Variants in PPP1R9A observed in about 807,000 individuals in gnomAD.
PPP1R9A encodes neurabin-1.
In PPP1R9A, 59 loss-of-function variants were observed where a neutral mutation model predicts 141.9. The observed-to-expected ratio is 0.42, with a 90% CI of 0.34 to 0.52. PPP1R9A has a LOEUF of 0.52. Ranked by LOEUF, PPP1R9A falls within the 20% of genes least tolerant of loss-of-function variation. The pLI is 0.10. For synonymous variants in PPP1R9A, 500 were observed against 569.7 expected, an observed-to-expected ratio of 0.88 and a Z score of 1.74; for missense variants, 1,444 against 1,611.9, an observed-to-expected ratio of 0.90 and a Z score of 1.78.
intron 7 of PPP1R9A, among the ~76,000 whole-genome samples, chr7:95,214,695 G>C (rs1792914822): frequency 1.3e-5 from 2 of 152,116 alleles, no homozygotes; most frequent in Non-Finnish European, 2.9e-5. Context: ...AGGAAATAGA[G>C]TCCCAGCTTC....
intron 4 of PPP1R9A, among the ~76,000 whole-genome samples, chr7:95,137,415 C>CAAAAAAAAAAAAAAAAAAAAAAA (rs33928009): frequency 3.3e-5 from 3 of 91,522 alleles, no homozygotes; most frequent in African/African-American, 1.3e-4. Flanking sequence ...GACATGAACT[C>CAAAAAAAAAAAAAAAAAAAAAAA]AAAAAAAAAA....
chr7:95,053,886 T>C (rs1226609837), intron 2 of PPP1R9A, among the ~76,000 whole-genome samples: 1 of 152,144 alleles, frequency 6.6e-6, no homozygotes, highest in Non-Finnish European at 1.5e-5. Context: ...CATTGCTCTA[T>C]AGAAGTATAT....
At chr7:95,079,754 C>A (rs1815489925) in intron 2 of PPP1R9A, among the ~76,000 whole-genome samples, 1 of 152,204 alleles carries the variant, frequency 6.6e-6, no homozygotes, top group Non-Finnish European at 1.5e-5. Context: ...ATCAAGTGGG[C>A]TTCATCCCTG....
intron 17 of PPP1R9A, among the ~76,000 whole-genome samples, chr7:95,285,750 A>ATC (rs1192351445): frequency 6.6e-6 from 1 of 152,210 alleles, no homozygotes; most frequent in Non-Finnish European, 1.5e-5. Flanking sequence ...CATAGTATTT[A>ATC]TCACAGCCAA....
chr7:95,048,630 C>A (rs1434018502), intron 2 of PPP1R9A, among the ~76,000 whole-genome samples: 5 of 151,936 alleles, frequency 3.3e-5, no homozygotes, highest in African/African-American at 4.8e-5. Context: ...GCAGCCTTCG[C>A]CTCCTGGGTT....
At chr7:95,145,585 T>C (rs904532332) in intron 4 of PPP1R9A, among the ~76,000 whole-genome samples, 2 of 152,198 alleles carry the variant, frequency 1.3e-5, no homozygotes, top group African/African-American at 4.8e-5. Context: ...TTAATCACTT[T>C]GAATGTCAGT....
At position 94,910,140 on chromosome 7, in the gene PPP1R9A, A is replaced by G. The variant is rs1204228784; in HGVS notation, c.27A>G (p.Glu9=). The change falls in exon 2 of 20, where the codon GAA becomes GAG. Residue 9 remains glutamate, a synonymous_variant. Transcript: ENST00000433360. The surrounding 1 kb of genome is among the most constrained non-coding windows in gnomAD (Gnocchi z 4.5). MLKTESSG[E]RTTLRSASPH... ...TGTTGAAAACTGAGTCTTCAGGTGA[A>G]CGAACCACTCTCAGAAGTGCCTCTC... 1 of 1,612,526 alleles carries G rather than the reference A, an allele frequency of 6.2e-7. No homozygotes were observed. Among genetic ancestry groups the G allele is most frequent in the Non-Finnish European group, 8.5e-7 (1 of 1,179,104 alleles).
In PPP1R9A at chr7:94,977,691, T is replaced by C. The variant is rs544542735; in HGVS notation, c.1395+66183T>C. On this transcript the variant is annotated intron_variant, in intron 2 of 19. Transcript: ENST00000433360. ...GGATATGAGGCCAAATCAGGGGATATAGAGAATGTTATGGTGATAAGAGGC... is the reference window on the plus strand; with the variant it reads ...GGATATGAGGCCAAATCAGGGGATACAGAGAATGTTATGGTGATAAGAGGC... 3.3e-4 allele frequency among the ~76,000 whole-genome samples: 50 copies of C among 152,118 alleles called. 1 individual carries two copies. Among genetic ancestry groups the C allele is most frequent in the Admixed American group, 7.2e-4 (11 of 15,286 alleles).
chr7:95,252,960 A>G (rs1007098781), intron 12 of PPP1R9A, among the ~76,000 whole-genome samples: 6 of 152,232 alleles, frequency 3.9e-5, no homozygotes, highest in Admixed American at 2.6e-4. Flanking sequence ...CACTGGAAAC[A>G]TTTGGTATTA....
chr7:95,144,359 C>T lies in PPP1R9A; in HGVS notation c.1650-17508C>T, dbSNP rs549965654. 2.2e-4 allele frequency among the ~76,000 whole-genome samples: 34 copies of T among 152,112 alleles called. No individual in the cohort carries two copies. The South Asian group carries it at 3.1e-3, about 14-fold the overall frequency. ...GCTGAATAATACTTTATCATGTGTG[C>T]GTGTGTAAAATCACATTTTCTTTAT... On this transcript the variant is annotated intron_variant, in intron 4 of 19. Transcript: ENST00000433360.
intron 2 of PPP1R9A, among the ~76,000 whole-genome samples, chr7:95,029,830 G>A (rs2151803280): frequency 6.6e-6 from 1 of 152,258 alleles, no homozygotes; most frequent in African/African-American, 2.4e-5. Context: ...GCATATCTTA[G>A]TGAATCAAAA....
At chr7:95,004,122 A>G (rs1448251194) in intron 2 of PPP1R9A, among the ~76,000 whole-genome samples, 1 of 151,982 alleles carries the variant, frequency 6.6e-6, no homozygotes, top group Non-Finnish European at 1.5e-5. Context: ...TAAAAAGTTG[A>G]GCATCTCCTG....
At chr7:95,047,278 G>A (rs540290825) in intron 2 of PPP1R9A, among the ~76,000 whole-genome samples, 4 of 152,212 alleles carry the variant, frequency 2.6e-5, no homozygotes, top group South Asian at 4.1e-4. Context: ...GCAGTGTTTC[G>A]GCACAAATGC....
chr7:95,250,290 T>C (rs775028585), intron 10 of PPP1R9A, 35 bp downstream of exon 10: 1 of 1,527,508 alleles, frequency 6.5e-7, no homozygotes, highest in Non-Finnish European at 8.9e-7. Flanking sequence ...AATAGTTATG[T>C]TTGTCTAAAG....
In PPP1R9A at chr7:95,269,360, CAAG is replaced by C; in HGVS notation, c.2983_2985del (p.Glu995del). 1.3e-6 allele frequency: 2 copies of C among 1,598,500 alleles called. No individual in the cohort carries two copies. The highest frequency in any genetic ancestry group is 1.1e-5 in the South Asian group (1 of 90,908). Reference sequence around the variant, plus strand: ...CTCGTCTGACCACATAGCTGAATTTCAAGAAGAACCACTGGACCCAGAAATGGG... The same window carrying C: ...CTCGTCTGACCACATAGCTGAATTTCAAGAACCACTGGACCCAGAAATGGG... On this transcript the variant is annotated inframe_deletion, in exon 14 of 20. Coordinates refer to ENST00000433360, the MANE Select transcript of PPP1R9A (RefSeq NM_001166160.2).
chr7:95,089,489 A>C (rs77088243), intron 2 of PPP1R9A, among the ~76,000 whole-genome samples: 1,914 of 152,188 alleles, frequency 0.013, 21 homozygotes, highest in Non-Finnish European at 0.017. Flanking sequence ...CTAAAATAAG[A>C]TTAGACCAGA....
intron 2 of PPP1R9A, among the ~76,000 whole-genome samples, chr7:95,100,056 T>C (rs73218138): frequency 2.6e-5 from 4 of 151,884 alleles, no homozygotes; most frequent in Admixed American, 2.6e-4. Flanking sequence ...TATATATGTG[T>C]GTGTATGCAT....
rs749578885 is a variant in PPP1R9A at position 95,284,305 on chromosome 7, C to A, written c.3584C>A (p.Ser1195Tyr). 6.5e-7 allele frequency: 1 copy of A among 1,532,050 alleles called. No individual in the cohort carries two copies. The highest frequency in any genetic ancestry group is 2.3e-5 in the East Asian group (1 of 43,552). 94.9% of individuals were successfully genotyped at this position (1,532,050 alleles called of 1,614,324 possible). Residue 1195 changes from serine (S) to tyrosine (Y), a missense_variant, in exon 17 of 20, where the codon TCT becomes TAT. Ser to Tyr is a moderately radical substitution (Grantham distance 144). This residue lies in a region of PPP1R9A where 459 missense variants were observed against 513.8 expected (regional missense o/e 0.89). Transcript: ENST00000433360. ...SIFGRHSQLM[S>Y]VVWIQETNNF... Reference sequence around the variant, plus strand: ...TTTGGAAGGCATTCTCAACTTATGTCTGTAGTCTGGATCCAAGAAACCAAT... The same window carrying A: ...TTTGGAAGGCATTCTCAACTTATGTATGTAGTCTGGATCCAAGAAACCAAT...
intron 12 of PPP1R9A, among the ~76,000 whole-genome samples, chr7:95,255,364 C>T (rs982215775): frequency 1.3e-5 from 2 of 152,024 alleles, no homozygotes; most frequent in Non-Finnish European, 2.9e-5. Flanking sequence ...GGCTGGTTTG[C>T]TAAAGGATTG....
Sources: allele counts gnomAD v4.1 joint callset (sites outside exome capture counted in the v4.1 genomes callset), GRCh38; gene constraint gnomAD v4.1.1; regional missense constraint gnomAD v4.1.1; non-coding constraint Gnocchi (gnomAD v3.1); transcripts MANE v1.5; gene names NCBI Gene and HGNC (gene_info 2026-07-23, HGNC 2026-07-21).